Variants in PALM2AKAP2 observed in about 807,000 individuals in gnomAD.
PALM2AKAP2 encodes the protein PALM2 and AKAP2 fusion, also known as PALM2-AKAP2 fusion protein.
PALM2AKAP2 carries 37 observed loss-of-function variants against 71.5 expected under a neutral mutation model. That is an observed-to-expected ratio of 0.52 (90% confidence interval 0.40 to 0.68). The LOEUF is 0.68. Among genes scored for constraint, PALM2AKAP2 ranks in the 30% least tolerant of loss-of-function variants. The pLI, the probability that PALM2AKAP2 is intolerant of heterozygous loss-of-function variation, is 0.00. For synonymous variants in PALM2AKAP2, 468 were observed against 478.8 expected, an observed-to-expected ratio of 0.98 and a Z score of 0.29; for missense variants, 1,224 against 1,191.8, an observed-to-expected ratio of 1.03 and a Z score of -0.40.
rs529883891 is a variant in PALM2AKAP2 at position 110,116,035 on chromosome 9, G to A, written c.157-20092G>A. ...GGAAGAACATGGTGGGTAAATCTAC[G>A]AGAGAGACCTGTTCTGTTCCCTGGA... On this transcript the variant is annotated intron_variant, in intron 1 of 3. Coordinates refer to ENST00000374525, the Ensembl canonical transcript of PALM2AKAP2. Among the ~76,000 whole-genome samples, 9 of 152,250 alleles carry A rather than the reference G, an allele frequency of 5.9e-5. No homozygotes were observed. The South Asian group carries it at 1.2e-3, about 21-fold the overall frequency.
exon 4 of PALM2AKAP2, chr9:110,168,522 T>G (rs1836790230): frequency 6.2e-7 from 1 of 1,612,608 alleles, no homozygotes; most frequent in African/African-American, 1.3e-5. Context: ...AGGAAGCGTC[T>G]TTGGTGCTTG....
At chr9:109,920,283 C>T (rs1277206963) in intron 3 of PALM2AKAP2, among the ~76,000 whole-genome samples, 1 of 151,952 alleles carries the variant, frequency 6.6e-6, no homozygotes, top group African/African-American at 2.4e-5. Flanking sequence ...ATCACATGGT[C>T]AAGATTGACA....
chr9:109,909,178 A>T (rs1029631086), intron 3 of PALM2AKAP2, among the ~76,000 whole-genome samples: 8 of 152,126 alleles, frequency 5.3e-5, no homozygotes, highest in Non-Finnish European at 1.2e-4. Flanking sequence ...ACACACACAC[A>T]CACCTGGGGT....
At chr9:110,088,713 T>TGG (rs1834632068) in intron 1 of PALM2AKAP2, among the ~76,000 whole-genome samples, 1 of 83,350 alleles carries the variant, frequency 1.2e-5, no homozygotes, top group Non-Finnish European at 2.2e-5. Flanking sequence ...GTTTTTTTTT[T>TGG]TTTTTTTTTT....
intron 1 of PALM2AKAP2, among the ~76,000 whole-genome samples, chr9:109,656,915 C>G (rs1163252503): frequency 6.6e-6 from 1 of 152,192 alleles, no homozygotes; most frequent in Non-Finnish European, 1.5e-5. Flanking sequence ...CTGGTCTCAC[C>G]ATTATATTGT....
chr9:109,649,962 G>C (rs1321149287), intron 1 of PALM2AKAP2, among the ~76,000 whole-genome samples: 2 of 152,200 alleles, frequency 1.3e-5, no homozygotes, highest in Admixed American at 6.5e-5. Context: ...TGATGACTTG[G>C]TTTAGCATTT....
At chr9:109,922,748 A>C (rs1337232250) in intron 3 of PALM2AKAP2, among the ~76,000 whole-genome samples, 1 of 152,174 alleles carries the variant, frequency 6.6e-6, no homozygotes, top group African/African-American at 2.4e-5. Context: ...GGGGATGTGG[A>C]GAACACTTTA....
chr9:109,923,720 T>C lies in PALM2AKAP2; in HGVS notation c.258-15T>C. ...GACAATAAAGTAACTTGTCCTTTGT[T>C]TGTGTGTTTTCCAGGCTGGAGCAAG... On this transcript the variant is annotated splice_polypyrimidine_tract_variant and intron_variant, in intron 3 of 9. Transcript: ENST00000302798. 1 of 1,581,604 alleles carries C rather than the reference T, an allele frequency of 6.3e-7. No individual in the cohort carries two copies. The highest frequency in any genetic ancestry group is 8.6e-7 in the Non-Finnish European group (1 of 1,167,732).
At chr9:109,881,876 C>CTTTTTTTTTTTTTTTTTTT (rs565835467) in intron 3 of PALM2AKAP2, among the ~76,000 whole-genome samples, 1 of 95,116 alleles carries the variant, frequency 1.1e-5, no homozygotes, top group African/African-American at 3.6e-5. Flanking sequence ...CTTATGAGCT[C>CTTTTTTTTTTTTTTTTTTT]TTTTTTTTTT....
chr9:109,969,113 C>CAT (rs56263304), intron 6 of PALM2AKAP2, among the ~76,000 whole-genome samples: 2 of 151,702 alleles, frequency 1.3e-5, no homozygotes, highest in Non-Finnish European at 2.9e-5. Flanking sequence ...CACACACACA[C>CAT]GACTCCCAGA....
chr9:110,007,657 T>C lies in PALM2AKAP2; in HGVS notation c.497-8297T>C, dbSNP rs190961599. 2.3e-3 allele frequency among the ~76,000 whole-genome samples: 350 copies of C among 152,278 alleles called. 1 individual carries two copies. The highest frequency in any genetic ancestry group is 8.2e-3 in the African/African-American group (340 of 41,546). ...CTTTTCTCTTTAGAACCTAATCCTT[T>C]TCTGAGATGCCACTGTAGGGAACTG... is the stretch of plus-strand genomic sequence containing the variant. On this transcript the variant is annotated intron_variant, in intron 6 of 9. Coordinates refer to the PALM2AKAP2 transcript ENST00000302798.
chr9:109,717,020 C>CA (rs770494179), intron 1 of PALM2AKAP2, among the ~76,000 whole-genome samples: 4 of 152,040 alleles, frequency 2.6e-5, no homozygotes, highest in Non-Finnish European at 4.4e-5. Context: ...TTGGTATGGG[C>CA]AAGCTATGCA....
intron 1 of PALM2AKAP2, among the ~76,000 whole-genome samples, chr9:109,704,244 A>G (rs1334722349): frequency 6.6e-6 from 1 of 152,218 alleles, no homozygotes; most frequent in African/African-American, 2.4e-5. Flanking sequence ...GTTCTCAACT[A>G]TGACCATGAA....
At chr9:110,053,605 T>G (rs1319519574) in intron 1 of PALM2AKAP2, among the ~76,000 whole-genome samples, 11 of 151,740 alleles carry the variant, frequency 7.2e-5, no homozygotes, top group Non-Finnish European at 1.5e-5. Context: ...GGGAATTTGT[T>G]CCCATCTTGG....
chr9:109,897,824 C>A (rs1483708956), intron 3 of PALM2AKAP2, among the ~76,000 whole-genome samples: 1 of 152,192 alleles, frequency 6.6e-6, no homozygotes, highest in Non-Finnish European at 1.5e-5. Context: ...TTCCTAATCA[C>A]ATTTTTAGAA....
At chr9:109,826,122 C>A (rs1679902935) in intron 1 of PALM2AKAP2, among the ~76,000 whole-genome samples, 1 of 151,814 alleles carries the variant, frequency 6.6e-6, no homozygotes, top group Non-Finnish European at 1.5e-5. Flanking sequence ...GGACAAAAAA[C>A]CAAACACCAC....
At chr9:109,652,373 G>A (rs1228287315) in intron 1 of PALM2AKAP2, among the ~76,000 whole-genome samples, 1 of 152,006 alleles carries the variant, frequency 6.6e-6, no homozygotes, top group Non-Finnish European at 1.5e-5. Flanking sequence ...ACAGAGCCTG[G>A]CACCTCCTCC....
intron 1 of PALM2AKAP2, among the ~76,000 whole-genome samples, chr9:110,055,221 G>A (rs1833809159): frequency 6.6e-6 from 1 of 151,018 alleles, no homozygotes; most frequent in Admixed American, 6.6e-5. Context: ...TTGAGACAGA[G>A]TTTTGCTCTT....
intron 6 of PALM2AKAP2, among the ~76,000 whole-genome samples, chr9:109,935,088 A>G (rs1831191850): frequency 6.6e-6 from 1 of 152,172 alleles, no homozygotes; most frequent in South Asian, 2.1e-4. Flanking sequence ...AAACACGCGC[A>G]GTTCCTCCAT....
Sources: gnomAD v4.1 joint callset for allele counts (sites outside exome capture counted in the v4.1 genomes callset) on GRCh38, gnomAD v4.1.1 for gene constraint, MANE v1.5 for transcripts, NCBI Gene and HGNC (gene_info 2026-07-23, HGNC 2026-07-21) for gene names.